The following PPP1R37 variants were observed in gnomAD, a reference collection of about 807,000 sequenced individuals.
The protein encoded by PPP1R37 is leucine rich repeat containing 68.
A neutral mutation model predicts 61.0 loss-of-function variants in PPP1R37; 21 were observed. That is an observed-to-expected ratio of 0.34 (90% confidence interval 0.24 to 0.50). The LOEUF (loss-of-function observed/expected upper bound fraction) is 0.50, where lower values mean the gene tolerates loss of function less well. Among genes scored for constraint, PPP1R37 ranks in the 20% least tolerant of loss-of-function variants. The pLI, the probability that PPP1R37 is intolerant of heterozygous loss-of-function variation, is 0.98. For missense variants in PPP1R37, 910 were observed against 952.7 expected (o/e 0.96, Z 0.59); for synonymous variants, 443 against 433.5 (o/e 1.02, Z -0.27).
chr19:45,094,047 A>G (rs1967959556), intron 1 of PPP1R37, among the ~76,000 whole-genome samples: 1 of 152,234 alleles, frequency 6.6e-6, no homozygotes, highest in South Asian at 2.1e-4. Flanking sequence ...GACTGTGGCT[A>G]TAGAGGACTT....
chr19:45,140,525 G>C lies in PPP1R37; in HGVS notation c.366G>C (p.Lys122Asn). 6.5e-7 allele frequency: 1 copy of C among 1,536,028 alleles called. No homozygotes were observed. The highest frequency in any genetic ancestry group is 8.7e-7 in the Non-Finnish European group (1 of 1,146,834). ...LDLKGEKLDY[K>N]TCEALEEVFK... is the part of the protein sequence containing the mutation. ...CCCCAGGTGAGAAGCTTGACTACAAGACCTGTGAGGCCCTGGAAGAGGTCT... is the reference window on the plus strand; with the variant it reads ...CCCCAGGTGAGAAGCTTGACTACAACACCTGTGAGGCCCTGGAAGAGGTCT... Residue 122 changes from lysine (K) to asparagine (N), a missense_variant, in exon 4 of 13, where the codon AAG becomes AAC. Physicochemically the swap from Lys to Asn is moderately conservative, Grantham distance 94. Around this residue, in one of 3 missense-constraint regions of PPP1R37, gnomAD observed 280 missense variants for 382.2 expected, o/e 0.73. Coordinates refer to ENST00000221462, the MANE Select transcript of PPP1R37 (RefSeq NM_019121.2).
At chr19:45,141,469 G>A (rs1968611065) in intron 5 of PPP1R37, 28 bp downstream of exon 5, 9 of 754,594 alleles carry the variant, frequency 1.2e-5, no homozygotes, top group Non-Finnish European at 1.7e-5. Flanking sequence ...TCCAGGAAGA[G>A]GCAGCTCAGG....
rs1159408555 is a variant in PPP1R37, at chr19:45,146,706, A to G, written c.*144A>G. Reference sequence around the variant, plus strand: ...GGGGCCCCCCTCCCCCCACAGCAACACTACAAGGGGTGCAGGAGCTACAGG... The same window carrying G: ...GGGGCCCCCCTCCCCCCACAGCAACGCTACAAGGGGTGCAGGAGCTACAGG... On this transcript the variant is annotated 3_prime_UTR_variant, in exon 13 of 13. Coordinates refer to ENST00000221462, the MANE Select transcript of PPP1R37 (RefSeq NM_019121.2). 5.8e-6 allele frequency: 3 copies of G among 514,894 alleles called. No individual in the cohort carries two copies. Among genetic ancestry groups the G allele is most frequent in the Non-Finnish European group, 1.1e-5 (3 of 282,322 alleles). 31.9% of individuals were successfully genotyped at this position (514,894 alleles called of 1,614,324 possible). A position where few individuals can be genotyped will look rare whatever the true frequency, so the allele number is the denominator to read the frequency against.
chr19:45,143,663 C>T, intron 8 of PPP1R37, 30 bp downstream of exon 8: 1 of 1,367,950 alleles, frequency 7.3e-7, no homozygotes, highest in Non-Finnish European at 1.0e-6. Flanking sequence ...AAGGGAGGCA[C>T]CTCGGTCCCC....
chr19:45,133,504 A>C (rs1231473448), intron 1 of PPP1R37, among the ~76,000 whole-genome samples: 1 of 152,168 alleles, frequency 6.6e-6, no homozygotes, highest in South Asian at 2.1e-4. Context: ...TCCCAGCCCC[A>C]TCCCTCAGGG....
chr19:45,113,378 C>T (rs1163257079), intron 1 of PPP1R37, among the ~76,000 whole-genome samples: 1 of 152,234 alleles, frequency 6.6e-6, no homozygotes, highest in African/African-American at 2.4e-5. Context: ...GCGTTGAGCC[C>T]TCCGTGCATC....
intron 1 of PPP1R37, among the ~76,000 whole-genome samples, chr19:45,101,911 T>G (rs779714035): frequency 6.6e-6 from 1 of 152,236 alleles, no homozygotes; most frequent in Non-Finnish European, 1.5e-5. Flanking sequence ...CAGATTCCTC[T>G]GAGTCCTCCC....
intron 1 of PPP1R37, among the ~76,000 whole-genome samples, chr19:45,137,632 G>T (rs971027360): frequency 6.6e-6 from 1 of 152,156 alleles, no homozygotes; most frequent in African/African-American, 2.4e-5. Flanking sequence ...CCTGAATAGC[G>T]TACGGCGATG....
intron 1 of PPP1R37, among the ~76,000 whole-genome samples, chr19:45,095,508 A>G (rs989233800): frequency 1.3e-5 from 2 of 148,554 alleles, no homozygotes; most frequent in Non-Finnish European, 3.0e-5. Flanking sequence ...CATGCCTGCA[A>G]CCCCAGCACT....
At position 45,145,915 on chromosome 19, in the gene PPP1R37, C is replaced by T. The variant is rs956575128; in HGVS notation, c.1859C>T (p.Pro620Leu). ...ACCCGGGACACAGGGTCCTCTGAGC[C>T]TCAGCCACCACCGGAGCCGCCTCGG... ...IDTRDTGSSEPQPPPEPPRSG... is the reference protein window; with the variant it reads ...IDTRDTGSSELQPPPEPPRSG... Residue 620 changes from proline to leucine, a missense_variant, in exon 11 of 13, where the codon CCT (proline) becomes CTT (leucine). This residue lies in a region of PPP1R37 where 549 missense variants were observed against 505.1 expected (regional missense o/e 1.09). Transcript: ENST00000221462. The T allele has an allele frequency of 6.5e-7, 1 of 1,534,430 alleles. No homozygotes were observed. Among genetic ancestry groups the T allele is most frequent in the Non-Finnish European group, 8.7e-7 (1 of 1,146,362 alleles).
At chr19:45,109,844 C>T (rs188376482) in intron 1 of PPP1R37, among the ~76,000 whole-genome samples, 2 of 152,190 alleles carry the variant, frequency 1.3e-5, no homozygotes, top group African/African-American at 4.8e-5. Context: ...CCCTGAGGAT[C>T]TGTCGCCCAC....
intron 1 of PPP1R37, among the ~76,000 whole-genome samples, chr19:45,112,886 G>A (rs1473202047): frequency 1.3e-5 from 2 of 152,312 alleles, no homozygotes; most frequent in Admixed American, 6.5e-5. Flanking sequence ...GGGTCAAGAG[G>A]AAGAAATGGA....
At chr19:45,125,683 T>G (rs1968396113) in intron 1 of PPP1R37, among the ~76,000 whole-genome samples, 1 of 152,188 alleles carries the variant, frequency 6.6e-6, no homozygotes, top group African/African-American at 2.4e-5. Flanking sequence ...CCGATCATTG[T>G]AACAGAGGTT....
Position 45,145,909 on chromosome 19 carries a change from C to T in PPP1R37, c.1853C>T (p.Ser618Phe), listed in dbSNP as rs1968691711. The change falls in exon 11 of 13, where the codon TCT becomes TTT. Residue 618 changes from serine to phenylalanine, a missense_variant. Ser to Phe is a radical substitution (Grantham distance 155, BLOSUM62 -2). This residue lies in a region of PPP1R37 where 549 missense variants were observed against 505.1 expected (regional missense o/e 1.09). Transcript: ENST00000221462. ...GAIDTRDTGS[S>F]EPQPPPEPPR... ...ATTGACACCCGGGACACAGGGTCCT[C>T]TGAGCCTCAGCCACCACCGGAGCCG... The T allele has an allele frequency of 1.3e-6, 2 of 1,534,208 alleles. No homozygotes were observed. The highest frequency in any genetic ancestry group is 2.4e-5 in the South Asian group (2 of 84,000).
intron 2 of PPP1R37, 98 bp downstream of exon 2, chr19:45,138,709 C>T: frequency 1.4e-6 from 1 of 722,506 alleles, no homozygotes; most frequent in Non-Finnish European, 2.3e-6. Flanking sequence ...CTCCCCAGCC[C>T]CAGGTGTTCA....
At chr19:45,143,772 A>G in intron 8 of PPP1R37, 139 bp downstream of exon 8, 1 of 536,894 alleles carries the variant, frequency 1.9e-6, no homozygotes. Context: ...ACTCAGCCCC[A>G]CCTGCTTCCT....
At chr19:45,112,312 C>T (rs1003040791) in intron 1 of PPP1R37, among the ~76,000 whole-genome samples, 1 of 152,206 alleles carries the variant, frequency 6.6e-6, no homozygotes, top group African/African-American at 2.4e-5. Flanking sequence ...GTGGGATTAC[C>T]TTCTGATACA....
chr19:45,097,497 C>T (rs1193937964), intron 1 of PPP1R37, among the ~76,000 whole-genome samples: 1 of 151,840 alleles, frequency 6.6e-6, no homozygotes, highest in African/African-American at 2.4e-5. Context: ...AGTGGTGGCC[C>T]AGCTGGGTGG....
chr19:45,133,858 G>A (rs1183026851), intron 1 of PPP1R37, among the ~76,000 whole-genome samples: 1 of 152,208 alleles, frequency 6.6e-6, no homozygotes, highest in African/African-American at 2.4e-5. Context: ...CTGGCCCTGT[G>A]GTCAGACGTG....
Sources: gnomAD v4.1 joint callset for allele counts (sites outside exome capture counted in the v4.1 genomes callset) on GRCh38, gnomAD v4.1.1 for gene constraint, gnomAD v4.1.1 regional missense constraint, MANE v1.5 for transcripts, NCBI Gene and HGNC (gene_info 2026-07-23, HGNC 2026-07-21) for gene names.